The following TCERG1L variants were observed in gnomAD, a reference collection of about 807,000 sequenced individuals.
TCERG1L encodes transcription elongation regulator 1-like protein.
Under a neutral mutation model 56.3 loss-of-function variants are expected in TCERG1L, and 37 were observed. The ratio of observed to expected loss-of-function variants is 0.66; its 90% CI spans 0.51 to 0.87. The LOEUF (loss-of-function observed/expected upper bound fraction) is 0.87. Among genes scored for constraint, TCERG1L ranks in the 40% least tolerant of loss-of-function variants. TCERG1L has a pLI of 0.00. For synonymous variants in TCERG1L, 324 were observed against 326.3 expected, an observed-to-expected ratio of 0.99 and a Z score of 0.08; for missense variants, 799 against 774.2, an observed-to-expected ratio of 1.03 and a Z score of -0.38.
chr10:131,146,794 T>C, intron 6 of TCERG1L, 134 bp from the exon 7 acceptor site: 2 of 998,078 alleles, frequency 2.0e-6, no homozygotes, highest in Admixed American at 5.6e-5. Flanking sequence ...ATGGATAGTA[T>C]GAATACTAAA....
chr10:131,109,055 G>T (rs1050029751), intron 9 of TCERG1L, among the ~76,000 whole-genome samples: 4 of 151,640 alleles, frequency 2.6e-5, no homozygotes, highest in Non-Finnish European at 5.9e-5. Context: ...CACCCAGGAT[G>T]AGCACAGTGT....
intron 4 of TCERG1L, among the ~76,000 whole-genome samples, chr10:131,180,439 G>C (rs1014547251): frequency 3.3e-5 from 5 of 152,154 alleles, no homozygotes; most frequent in African/African-American, 9.7e-5. Flanking sequence ...ATTACATTCT[G>C]TTTCATTAAC....
chr10:131,242,130 G>A lies in TCERG1L; in HGVS notation c.856+18129C>T, dbSNP rs182222752. ...GGAGGTTGTTTCTGGCTGTGCTCCAGCAAGTGAGATTGTGAACTGGGAAAG... is the reference window on the plus strand; with the variant it reads ...GGAGGTTGTTTCTGGCTGTGCTCCAACAAGTGAGATTGTGAACTGGGAAAG... On this transcript the variant is annotated intron_variant, in intron 4 of 11. Transcript: ENST00000368642. 8.5e-5 allele frequency among the ~76,000 whole-genome samples: 13 copies of A among 152,296 alleles called. No homozygotes were observed. The East Asian group carries it at 2.3e-3, about 27-fold the overall frequency.
intron 3 of TCERG1L, among the ~76,000 whole-genome samples, chr10:131,268,967 C>T (rs1846311149): frequency 6.6e-6 from 1 of 152,214 alleles, no homozygotes; most frequent in Admixed American, 6.5e-5. Flanking sequence ...ACTGGAGTAG[C>T]ACTTTTGATT....
intron 4 of TCERG1L, among the ~76,000 whole-genome samples, chr10:131,168,408 C>T (rs575858593): frequency 6.6e-6 from 1 of 152,314 alleles, no homozygotes; most frequent in African/African-American, 2.4e-5. Flanking sequence ...ACCTGTCTGG[C>T]TTGCGGCTGC....
Position 131,267,792 on chromosome 10 carries a change from C to T in TCERG1L, c.671-7348G>A, listed in dbSNP as rs1356276894. On this transcript the variant is annotated intron_variant, in intron 3 of 11. Coordinates refer to ENST00000368642, the MANE Select transcript of TCERG1L (RefSeq NM_174937.4). The surrounding 1 kb of genome is among the most constrained non-coding windows in gnomAD (Gnocchi z 4.9). ...GGAACCCCACTGCTGCTCCCACCAC[C>T]AGTCCTGCTGCCCTGTCCACCTCCT... Among the ~76,000 whole-genome samples the T allele has an allele frequency of 6.6e-6, 1 of 152,224 alleles. No individual in the cohort carries two copies. The highest frequency in any genetic ancestry group is 1.5e-5 in the Non-Finnish European group (1 of 68,038).
chr10:131,100,077 G>C (rs1845290688), intron 10 of TCERG1L, among the ~76,000 whole-genome samples: 1 of 152,088 alleles, frequency 6.6e-6, no homozygotes, highest in African/African-American at 2.4e-5. Context: ...ATGTTGGCCA[G>C]CCTGGTTGCG....
intron 8 of TCERG1L, among the ~76,000 whole-genome samples, chr10:131,132,487 G>C (rs1215919676): frequency 6.6e-6 from 1 of 152,242 alleles, no homozygotes; most frequent in Non-Finnish European, 1.5e-5. Flanking sequence ...TGGGAGTGCA[G>C]CCGGGTGATG....
rs1469286633 is a variant in TCERG1L, at chr10:131,111,146, C to T, written c.1395+5653G>A. Among the ~76,000 whole-genome samples, 4 of 143,356 alleles carry T rather than the reference C, an allele frequency of 2.8e-5. 1 individual carries two copies. The highest frequency in any genetic ancestry group is 6.3e-5 in the Non-Finnish European group (4 of 63,584). 94.0% of individuals were successfully genotyped at this position (143,356 alleles called of 152,430 possible). A position where few individuals can be genotyped will look rare whatever the true frequency, so the allele number is the denominator to read the frequency against. On this transcript the variant is annotated intron_variant, in intron 9 of 11. Coordinates refer to ENST00000368642, the MANE Select transcript of TCERG1L (RefSeq NM_174937.4). ...CTCAGATCAGGGGCGCAGTCCACGGCCTCTCCAAGGAAAGCTGGAGCCATG... is the reference window on the plus strand; with the variant it reads ...CTCAGATCAGGGGCGCAGTCCACGGTCTCTCCAAGGAAAGCTGGAGCCATG...
chr10:131,193,856 T>C (rs1375285397), intron 4 of TCERG1L, among the ~76,000 whole-genome samples: 2 of 152,252 alleles, frequency 1.3e-5, no homozygotes, highest in African/African-American at 4.8e-5. Flanking sequence ...TTTAGAATTT[T>C]TTTTCTAATT....
At chr10:131,308,992 T>C (rs1000920826) in intron 2 of TCERG1L, among the ~76,000 whole-genome samples, 161 bp downstream of exon 2, 2 of 152,226 alleles carry the variant, frequency 1.3e-5, no homozygotes, top group African/African-American at 4.8e-5. Context: ...CCAGCTGATA[T>C]TTTTGAACAA....
chr10:131,148,771 C>T (rs1006875499), intron 6 of TCERG1L, among the ~76,000 whole-genome samples: 10 of 152,202 alleles, frequency 6.6e-5, no homozygotes, highest in African/African-American at 2.4e-4. Flanking sequence ...AAGGATCCAG[C>T]CCTGCCCACA....
intron 3 of TCERG1L, among the ~76,000 whole-genome samples, chr10:131,284,811 A>T (rs1036750988): frequency 7.9e-5 from 12 of 152,192 alleles, no homozygotes; most frequent in Admixed American, 1.3e-4. Flanking sequence ...TAGAAGAAAA[A>T]TATAGCTTAT....
intron 10 of TCERG1L, among the ~76,000 whole-genome samples, chr10:131,100,348 C>T (rs1171436149): frequency 6.6e-6 from 1 of 151,998 alleles, no homozygotes; most frequent in Non-Finnish European, 1.5e-5. Flanking sequence ...GCCGTGGGGT[C>T]AGGGCTCTTC....
intron 4 of TCERG1L, among the ~76,000 whole-genome samples, chr10:131,171,168 AAAACAC>A (rs1219907087): frequency 2.0e-5 from 1 of 51,056 alleles, no homozygotes; most frequent in African/African-American, 7.6e-5. Context: ...AACAAAAACA[AAAACAC>A]ACACCAAAAA....
intron 4 of TCERG1L, among the ~76,000 whole-genome samples, chr10:131,231,494 G>A (rs1449037855): frequency 6.6e-6 from 1 of 152,168 alleles, no homozygotes; most frequent in African/African-American, 2.4e-5. Flanking sequence ...AGCTGCCGTG[G>A]CACTGCCTGC....
chr10:131,238,187 G>A (rs925593791), intron 4 of TCERG1L, among the ~76,000 whole-genome samples: 3 of 152,142 alleles, frequency 2.0e-5, no homozygotes, highest in Non-Finnish European at 2.9e-5. Context: ...ACCTGGGTCC[G>A]CTCCGGCAGG....
At chr10:131,186,552 A>G (rs1262176779) in intron 4 of TCERG1L, among the ~76,000 whole-genome samples, 2 of 152,148 alleles carry the variant, frequency 1.3e-5, no homozygotes, top group Admixed American at 1.3e-4. Flanking sequence ...CAAATCAGAG[A>G]TATATTTTGG....
At chr10:131,126,663 C>T (rs575474166) in intron 8 of TCERG1L, among the ~76,000 whole-genome samples, 19 of 152,302 alleles carry the variant, frequency 1.2e-4, no homozygotes, top group Non-Finnish European at 1.5e-4. Flanking sequence ...TTAGGAGGCC[C>T]TTGAGCACCT....
Sources: allele counts gnomAD v4.1 joint callset (sites outside exome capture counted in the v4.1 genomes callset), GRCh38; gene constraint gnomAD v4.1.1; non-coding constraint Gnocchi (gnomAD v3.1); transcripts MANE v1.5; gene names NCBI Gene and HGNC (gene_info 2026-07-23, HGNC 2026-07-21).